Variants in NALCN observed in about 807,000 individuals in gnomAD.
NALCN encodes the protein sodium leak channel NALCN.
NALCN carries 111 observed loss-of-function variants against 225.3 expected under a neutral mutation model. The ratio of observed to expected loss-of-function variants is 0.49; its 90% confidence interval spans 0.42 to 0.58. The LOEUF is 0.58. NALCN is among the 20% of genes least tolerant of loss of function. The pLI is 0.00. For synonymous variants in NALCN, 764 were observed against 769.0 expected, an observed-to-expected ratio of 0.99 and a Z score of 0.11; for missense variants, 1,378 against 2,202.4, an observed-to-expected ratio of 0.63 and a Z score of 7.49.
At chr13:101,264,549 C>A (rs748453494) in intron 10 of NALCN, among the ~76,000 whole-genome samples, 8 of 152,100 alleles carry the variant, frequency 5.3e-5, no homozygotes, top group Non-Finnish European at 8.8e-5. Context: ...GGATCTCAGG[C>A]CCCATCCCAG....
At chr13:101,221,616 T>C (rs1418270191) in intron 13 of NALCN, among the ~76,000 whole-genome samples, 1 of 152,160 alleles carries the variant, frequency 6.6e-6, no homozygotes, top group Non-Finnish European at 1.5e-5. Context: ...TTTGCTGCAA[T>C]ATGTGGACAG....
chr13:101,192,128 T>G, intron 13 of NALCN, 74 bp from the exon 14 acceptor site: 2 of 1,506,040 alleles, frequency 1.3e-6, no homozygotes, highest in Non-Finnish European at 1.8e-6. Flanking sequence ...CATGTGATGT[T>G]TGAAGACTTT....
intron 13 of NALCN, among the ~76,000 whole-genome samples, chr13:101,218,267 T>TA (rs1398730028): frequency 6.6e-6 from 1 of 152,138 alleles, no homozygotes; most frequent in Non-Finnish European, 1.5e-5. Context: ...AAGGTCACTG[T>TA]ATGAGTTTGC....
intron 7 of NALCN, among the ~76,000 whole-genome samples, chr13:101,319,446 A>G (rs576564768): frequency 6.6e-6 from 1 of 152,332 alleles, no homozygotes; most frequent in African/African-American, 2.4e-5. Context: ...TTCTGCTTTA[A>G]ATAATGAAAT....
intron 13 of NALCN, among the ~76,000 whole-genome samples, chr13:101,222,370 T>G (rs2040974024): frequency 6.6e-6 from 1 of 152,056 alleles, no homozygotes; most frequent in African/African-American, 2.4e-5. Context: ...CTATCTCTCT[T>G]CATAGATGCT....
At chr13:101,211,089 T>C (rs979013544) in intron 13 of NALCN, among the ~76,000 whole-genome samples, 1 of 152,180 alleles carries the variant, frequency 6.6e-6, no homozygotes, top group African/African-American at 2.4e-5. Context: ...CACAAAATAT[T>C]TAATAACACG....
At chr13:101,295,725 A>G (rs535127855) in intron 7 of NALCN, among the ~76,000 whole-genome samples, 2 of 152,332 alleles carry the variant, frequency 1.3e-5, no homozygotes, top group African/African-American at 4.8e-5. Context: ...GACGATGGAA[A>G]GAAATGTTTC....
intron 7 of NALCN, among the ~76,000 whole-genome samples, chr13:101,304,874 G>T (rs1381074414): frequency 6.7e-6 from 1 of 149,392 alleles, no homozygotes; most frequent in African/African-American, 2.5e-5. Context: ...TCCTGCCTCA[G>T]CCTCCCGAGT....
intron 14 of NALCN, 150 bp from the exon 15 acceptor site, chr13:101,176,524 C>G (rs1309769629): frequency 4.7e-6 from 2 of 430,046 alleles, no homozygotes; most frequent in Non-Finnish European, 7.8e-6. Context: ...ATAGGCATTT[C>G]AAGGTATTTA....
intron 7 of NALCN, among the ~76,000 whole-genome samples, chr13:101,334,869 G>T (rs1237027743): frequency 6.6e-6 from 1 of 151,726 alleles, no homozygotes; most frequent in Non-Finnish European, 1.5e-5. Flanking sequence ...CTTACAGAGA[G>T]GGGAGAAGAA....
chr13:101,122,801 C>T lies in NALCN; in HGVS notation c.2192+1807G>A, dbSNP rs146177536. ...AATTCAAATAACATGTAACCACATGCCCTTGTGACAATCATGTTATTTCTA... is the reference window on the plus strand; with the variant it reads ...AATTCAAATAACATGTAACCACATGTCCTTGTGACAATCATGTTATTTCTA... On this transcript the variant is annotated intron_variant, in intron 18 of 43. Coordinates refer to ENST00000251127, the MANE Select transcript of NALCN (RefSeq NM_052867.4). 4.5e-3 allele frequency among the ~76,000 whole-genome samples: 683 copies of T among 152,292 alleles called. 4 individuals carry two copies. Among genetic ancestry groups the T allele is most frequent in the Middle Eastern group, 0.027 (8 of 294 alleles).
Position 101,284,023 on chromosome 13 carries a change from C to T in NALCN, c.1048-4G>A. 1 of 1,612,614 alleles carries T rather than the reference C, an allele frequency of 6.2e-7. No homozygotes were observed. The highest frequency in any genetic ancestry group is 8.5e-7 in the Non-Finnish European group (1 of 1,179,430). Reference sequence around the variant, plus strand: ...CAGCAGCATCTTCATGAAACATCTTCAAGACAAAGAAGGGAGATGAGTCAG... The same window carrying T: ...CAGCAGCATCTTCATGAAACATCTTTAAGACAAAGAAGGGAGATGAGTCAG... On this transcript the variant is annotated splice_region_variant and splice_polypyrimidine_tract_variant and intron_variant, in intron 9 of 43. Coordinates refer to ENST00000251127, the MANE Select transcript of NALCN (RefSeq NM_052867.4).
chr13:101,193,954 T>C (rs570004965), intron 13 of NALCN, among the ~76,000 whole-genome samples: 4 of 152,320 alleles, frequency 2.6e-5, no homozygotes, highest in African/African-American at 9.6e-5. Flanking sequence ...TCAAAATGCC[T>C]GCCAGTATAA....
chr13:101,344,976 C>G (rs1480360612), intron 7 of NALCN, among the ~76,000 whole-genome samples: 1 of 152,054 alleles, frequency 6.6e-6, no homozygotes, highest in East Asian at 1.9e-4. Flanking sequence ...CCCTGTTCAA[C>G]AAACAAATAT....
intron 18 of NALCN, among the ~76,000 whole-genome samples, chr13:101,119,419 T>C (rs976582740): frequency 1.3e-5 from 2 of 152,212 alleles, no homozygotes; most frequent in African/African-American, 4.8e-5. Flanking sequence ...AATGTCAGAA[T>C]GCAAACATCA....
chr13:101,317,413 A>G (rs534449982), intron 7 of NALCN, among the ~76,000 whole-genome samples: 3 of 152,248 alleles, frequency 2.0e-5, no homozygotes, highest in South Asian at 4.2e-4. Flanking sequence ...TGGCTTGCCA[A>G]TCTCCATCTG....
intron 17 of NALCN, among the ~76,000 whole-genome samples, chr13:101,140,394 TTAGAGAGAAAATAAA>T (rs1192607626): frequency 5.3e-5 from 8 of 152,308 alleles, no homozygotes; most frequent in African/African-American, 1.9e-4. Context: ...ACATTTCCTT[TTAGAGAGAAAATAAA>T]CTCATATTTC....
intron 18 of NALCN, among the ~76,000 whole-genome samples, chr13:101,112,620 T>C (rs558818938): frequency 2.0e-5 from 3 of 152,254 alleles, no homozygotes; most frequent in African/African-American, 7.2e-5. Flanking sequence ...CTCTGAAAGA[T>C]AGCTCACAGG....
At chr13:101,247,674 G>A (rs2041938557) in intron 11 of NALCN, among the ~76,000 whole-genome samples, 1 of 151,874 alleles carries the variant, frequency 6.6e-6, no homozygotes, top group Admixed American at 6.6e-5. Context: ...TAAAGTTCCA[G>A]GATATATGTG....
Sources: allele counts gnomAD v4.1 joint callset (sites outside exome capture counted in the v4.1 genomes callset), GRCh38; gene constraint gnomAD v4.1.1; transcripts MANE v1.5; gene names NCBI Gene and HGNC (gene_info 2026-07-23, HGNC 2026-07-21).